Variants in KLF12 observed in about 807,000 individuals in gnomAD.
KLF12 encodes the protein Krueppel-like factor 12.
In KLF12, 9 loss-of-function variants were observed where a neutral mutation model predicts 37.8. The ratio of observed to expected loss-of-function variants is 0.24; its 90% CI spans 0.14 to 0.42. KLF12 has a LOEUF of 0.42. Ranked by LOEUF, KLF12 falls within the 10% of genes least tolerant of loss-of-function variation. The pLI, the probability that KLF12 is intolerant of heterozygous loss-of-function variation, is 1.00. For missense variants in KLF12, 411 were observed against 516.0 expected, an observed-to-expected ratio of 0.80 and a Z score of 1.97; for synonymous variants, 208 against 202.1, an observed-to-expected ratio of 1.03 and a Z score of -0.25.
chr13:74,227,362 T>C, the KLF12 span, among the ~76,000 whole-genome samples: 7 of 152,184 alleles, frequency 4.6e-5, no homozygotes, highest in Non-Finnish European at 8.8e-5. Flanking sequence ...ACATAAACTC[T>C]TGGAGAAAAG....
chr13:74,241,868 C>T, the KLF12 span, among the ~76,000 whole-genome samples: 8 of 152,162 alleles, frequency 5.3e-5, no homozygotes, highest in South Asian at 2.1e-4. Flanking sequence ...GAGATGAACC[C>T]GGTACCTCAG....
chr13:73,929,173 G>A (rs1032499817), intron 3 of KLF12, among the ~76,000 whole-genome samples: 2 of 152,304 alleles, frequency 1.3e-5, no homozygotes, highest in South Asian at 4.1e-4. Flanking sequence ...GCAAATACAA[G>A]AGAGATCAAT....
In KLF12 at chr13:73,750,884, G is replaced by T. The variant is rs370517627; in HGVS notation, c.869+14054C>A. On this transcript the variant is annotated intron_variant, in intron 6 of 7. Transcript: ENST00000377669. The stretch of plus-strand genomic sequence containing the variant: ...GTGTGGCTGAAATTTAGGGTCCACG[G>T]GAAGATGGAAACAATTTGTGAGAAG... Among the ~76,000 whole-genome samples, 43 of 152,270 alleles carry T rather than the reference G, an allele frequency of 2.8e-4. 1 individual carries two copies. In the South Asian group the frequency reaches 3.7e-3, roughly 13 times the overall value.
At chr13:73,904,774 C>CT (rs1393570641) in intron 3 of KLF12, among the ~76,000 whole-genome samples, 4 of 152,072 alleles carry the variant, frequency 2.6e-5, no homozygotes, top group Non-Finnish European at 5.9e-5. Flanking sequence ...TGGAGGCAGA[C>CT]TTAACAGTGA....
intron 1 of KLF12, among the ~76,000 whole-genome samples, chr13:74,045,064 C>T (rs573279852): frequency 6.6e-6 from 1 of 152,246 alleles, no homozygotes; most frequent in East Asian, 1.9e-4. Flanking sequence ...TATGTGTATA[C>T]TTCACACCCA....
intron 5 of KLF12, among the ~76,000 whole-genome samples, chr13:73,784,827 G>A (rs776429680): frequency 6.6e-6 from 1 of 151,414 alleles, no homozygotes. Context: ...TTGTAGAGAC[G>A]GGGTTTCACC....
intron 4 of KLF12, among the ~76,000 whole-genome samples, chr13:73,816,682 G>A (rs547900807): frequency 1.3e-5 from 2 of 152,308 alleles, no homozygotes; most frequent in East Asian, 1.9e-4. Flanking sequence ...ATGACTCTGG[G>A]CTTGGCTCTA....
chr13:74,201,868 G>T, the KLF12 span, among the ~76,000 whole-genome samples: 1 of 152,108 alleles, frequency 6.6e-6, no homozygotes, highest in African/African-American at 2.4e-5. Context: ...CTGATTTTAA[G>T]TGGTCTCAGA....
At chr13:73,744,551 C>T (rs1333209772) in intron 6 of KLF12, among the ~76,000 whole-genome samples, 1 of 151,472 alleles carries the variant, frequency 6.6e-6, no homozygotes, top group African/African-American at 2.4e-5. Context: ...GGGTCAGCTA[C>T]CCAGGGGGTG....
intron 3 of KLF12, among the ~76,000 whole-genome samples, chr13:73,856,664 G>A (rs1251102991): frequency 6.6e-6 from 1 of 152,104 alleles, no homozygotes; most frequent in African/African-American, 2.4e-5. Context: ...ATGTTTGGAA[G>A]TGGCACCCTC....
intron 7 of KLF12, among the ~76,000 whole-genome samples, chr13:73,705,140 G>A (rs976963391): frequency 2.0e-5 from 3 of 152,114 alleles, no homozygotes; most frequent in African/African-American, 7.2e-5. Flanking sequence ...AATTAGTAAC[G>A]TGTGACTGAG....
Position 73,900,315 on chromosome 13 carries a change from C to A in KLF12, c.123+43666G>T, listed in dbSNP as rs544084933. Among the ~76,000 whole-genome samples, 8 of 152,240 alleles carry A rather than the reference C, an allele frequency of 5.3e-5. No individual in the cohort carries two copies. The East Asian group carries it at 1.5e-3, about 29-fold the overall frequency. The stretch of plus-strand genomic sequence containing the variant: ...ATGTTAAAGAGAAAATTCATTTAAG[C>A]CATTTCATAATACTCAATATACAAA... On this transcript the variant is annotated intron_variant, in intron 3 of 7. Coordinates refer to ENST00000377669, the MANE Select transcript of KLF12 (RefSeq NM_007249.5).
At chr13:74,225,156 C>T in the KLF12 span, among the ~76,000 whole-genome samples, 2 of 152,130 alleles carry the variant, frequency 1.3e-5, no homozygotes, top group South Asian at 2.1e-4. Context: ...TTAACTGCAG[C>T]ATCTTCAGGA....
chr13:74,172,473 T>C, the KLF12 span, among the ~76,000 whole-genome samples: 1 of 152,246 alleles, frequency 6.6e-6, no homozygotes, highest in Non-Finnish European at 1.5e-5. Context: ...GATATAATTG[T>C]AGCTGAAGTT....
chr13:74,302,677 A>G, the KLF12 span, among the ~76,000 whole-genome samples: 1 of 152,020 alleles, frequency 6.6e-6, no homozygotes, highest in African/African-American at 2.4e-5. Context: ...CACTTTTCTC[A>G]TCATTCCGCT....
At chr13:73,796,263 T>A (rs1163736050) in intron 5 of KLF12, among the ~76,000 whole-genome samples, 1 of 152,174 alleles carries the variant, frequency 6.6e-6, no homozygotes, top group African/African-American at 2.4e-5. Flanking sequence ...GAATCTTAGG[T>A]TCCTACTCCG....
At chr13:73,807,080 G>T (rs1882682184) in intron 5 of KLF12, among the ~76,000 whole-genome samples, 1 of 152,162 alleles carries the variant, frequency 6.6e-6, no homozygotes, top group Non-Finnish European at 1.5e-5. Flanking sequence ...GGCCGAGGTG[G>T]GTGGATCACC....
chr13:74,274,233 T>A, the KLF12 span, among the ~76,000 whole-genome samples: 2 of 152,116 alleles, frequency 1.3e-5, no homozygotes, highest in Admixed American at 1.3e-4. Flanking sequence ...CTAGCCTTAG[T>A]GAAGATGCAA....
intron 1 of KLF12, among the ~76,000 whole-genome samples, chr13:74,027,784 C>G (rs1294556860): frequency 6.6e-6 from 1 of 151,954 alleles, no homozygotes. Flanking sequence ...AAAATTTTCC[C>G]ATAAGAGTTT....
Sources: gnomAD v4.1 joint callset for allele counts (sites outside exome capture counted in the v4.1 genomes callset) on GRCh38, gnomAD v4.1.1 for gene constraint, MANE v1.5 for transcripts, NCBI Gene and HGNC (gene_info 2026-07-23, HGNC 2026-07-21) for gene names.